The following ABCB11 variants were observed in gnomAD, a reference collection of about 807,000 sequenced individuals.
ABCB11 encodes bile salt export pump.
Under a neutral mutation model 148.0 loss-of-function variants are expected in ABCB11, and 95 were observed. The ratio of observed to expected loss-of-function variants is 0.64; its 90% CI spans 0.54 to 0.76. The LOEUF (loss-of-function observed/expected upper bound fraction) is 0.76, where lower values mean the gene tolerates loss of function less well. ABCB11 is among the 30% of genes least tolerant of loss of function. ABCB11 has a pLI of 0.00. For missense variants in ABCB11, 1,523 were observed against 1,617.8 expected (o/e 0.94, Z 1.01); for synonymous variants, 591 against 555.4 (o/e 1.06, Z -0.90).
intron 11 of ABCB11, among the ~76,000 whole-genome samples, chr2:168,978,074 A>G (rs1693990751): frequency 6.6e-6 from 1 of 150,566 alleles, no homozygotes; most frequent in Non-Finnish European, 1.5e-5. Context: ...TTTTAGAGTC[A>G]TCATCTTATT....
At chr2:168,971,492 C>T (rs907602441) in intron 14 of ABCB11, among the ~76,000 whole-genome samples, 6 of 151,900 alleles carry the variant, frequency 3.9e-5, no homozygotes, top group African/African-American at 1.5e-4. Context: ...AAGTTATTGC[C>T]ACATGACATT....
At chr2:168,920,546 A>AT (rs74268253), downstream of ABCB11, among the ~76,000 whole-genome samples, 1,134 of 147,428 alleles carry the variant, frequency 7.7e-3, 22 homozygotes, top group African/African-American at 0.024. Context: ...CAATCCTTCT[A>AT]TTTTTTTTTT....
chr2:168,996,662 G>A lies in ABCB11; in HGVS notation c.450C>T (p.Val150=), dbSNP rs376327318. Residue 150 remains valine, a synonymous_variant, in exon 6 of 28, where the codon GTC becomes GTT. Coordinates refer to ENST00000650372, the MANE Select transcript of ABCB11 (RefSeq NM_003742.4). ...GAATATATCCTGTGATAAGTACTGC[G>A]ACAGCAATTCCAGCATAGTAACTGG... ...KFASYYAGIA[V]AVLITGYIQI... 8 of 1,566,578 alleles carry A rather than the reference G, an allele frequency of 5.1e-6. No individual in the cohort carries two copies. Among genetic ancestry groups the A allele is most frequent in the African/African-American group, 1.4e-5 (1 of 73,340 alleles).
intron 3 of ABCB11, among the ~76,000 whole-genome samples, chr2:169,016,247 T>C (rs896136083): frequency 5.3e-5 from 8 of 152,216 alleles, no homozygotes; most frequent in African/African-American, 1.7e-4. Flanking sequence ...TTAAAATTTC[T>C]AAAATACCTT....
downstream of ABCB11, among the ~76,000 whole-genome samples, chr2:168,917,182 T>C (rs1411001511): frequency 7.6e-6 from 1 of 132,004 alleles, no homozygotes; most frequent in East Asian, 2.5e-4. Flanking sequence ...AGAGTAACTA[T>C]ATAAAAAAGA....
At chr2:168,936,484 C>A in intron 21 of ABCB11, 51 bp from the exon 22 acceptor site, 1 of 1,559,834 alleles carries the variant, frequency 6.4e-7, no homozygotes, top group South Asian at 1.1e-5. Flanking sequence ...TCGCTTTTAC[C>A]AATTACCATT....
chr2:168,953,838 G>A lies in ABCB11; in HGVS notation c.2343+4126C>T, dbSNP rs116584854. Among the ~76,000 whole-genome samples the A allele has an allele frequency of 1.3e-3, 196 of 151,684 alleles. 1 individual carries two copies. Among genetic ancestry groups the A allele is most frequent in the African/African-American group, 4.6e-3 (189 of 41,476 alleles). On this transcript the variant is annotated intron_variant, in intron 19 of 27. Transcript: ENST00000650372. ...GATGCCTGATTGCCTCCTTTGGAGA[G>A]GCTAATCAGAAGCTCAAAAGAATGT...
At chr2:168,933,151 A>G (rs1691661106) in intron 23 of ABCB11, among the ~76,000 whole-genome samples, 1 of 151,952 alleles carries the variant, frequency 6.6e-6, no homozygotes, top group Non-Finnish European at 1.5e-5. Context: ...AGGGGGAAAA[A>G]GACTTCTGAA....
downstream of ABCB11, among the ~76,000 whole-genome samples, chr2:168,916,334 A>G (rs975214740): frequency 4.6e-5 from 7 of 152,184 alleles, no homozygotes; most frequent in African/African-American, 1.7e-4. Context: ...GAATTACAGG[A>G]AGGAGGAAAT....
chr2:168,932,241 G>A, intron 24 of ABCB11, 136 bp downstream of exon 24: 2 of 703,372 alleles, frequency 2.8e-6, no homozygotes, highest in Non-Finnish European at 4.6e-6. Context: ...TCCCACTTAT[G>A]AGTGAGAACA....
At chr2:168,966,406 T>C (rs1444572895) in intron 17 of ABCB11, among the ~76,000 whole-genome samples, 1 of 151,872 alleles carries the variant, frequency 6.6e-6, no homozygotes, top group African/African-American at 2.4e-5. Flanking sequence ...CTCCAGATCA[T>C]TCGAGCTGTC....
intron 18 of ABCB11, among the ~76,000 whole-genome samples, chr2:168,963,142 T>C (rs1012513368): frequency 2.0e-5 from 3 of 151,806 alleles, no homozygotes; most frequent in African/African-American, 7.2e-5. Context: ...GCATAATGGA[T>C]GTGCTTGTAA....
rs543428047 is a variant in ABCB11 at position 168,921,548 on chromosome 2, T to C, written c.*2074A>G. On this transcript the variant is annotated 3_prime_UTR_variant, in exon 28 of 28. Coordinates refer to ENST00000650372, the MANE Select transcript of ABCB11 (RefSeq NM_003742.4). ...TTTAAATAGATGGAAATATGTTCTC[T>C]TGACCCATTGAACACATTTATTACC... Among the ~76,000 whole-genome samples the C allele has an allele frequency of 1.3e-5, 2 of 152,350 alleles. No homozygotes were observed. The highest frequency in any genetic ancestry group is 4.8e-5 in the African/African-American group (2 of 41,588).
intron 3 of ABCB11, among the ~76,000 whole-genome samples, chr2:169,015,834 G>A (rs1284858684): frequency 6.6e-6 from 1 of 152,036 alleles, no homozygotes; most frequent in Non-Finnish European, 1.5e-5. Flanking sequence ...CAACATTTTT[G>A]CCTATTTTGT....
chr2:168,916,514 T>C (rs550809363), downstream of ABCB11, among the ~76,000 whole-genome samples: 8 of 152,346 alleles, frequency 5.3e-5, no homozygotes, highest in South Asian at 1.7e-3. Context: ...AATGAGCACA[T>C]TATAATGCTG....
At chr2:168,950,614 T>C (rs1692521391) in intron 19 of ABCB11, among the ~76,000 whole-genome samples, 1 of 151,732 alleles carries the variant, frequency 6.6e-6, no homozygotes, top group Middle Eastern at 3.4e-3. Context: ...GTCCTTCACC[T>C]ACCTTTTAAT....
rs191792223 is a variant in ABCB11 at position 168,952,397 on chromosome 2, G to A, written c.2343+5567C>T. On this transcript the variant is annotated intron_variant, in intron 19 of 27. Transcript: ENST00000650372. ...TAGGAAATTTTTTATTACTGACTCAGTCTTGCTACTCATTATTAGTCTGTT... is the reference window on the plus strand; with the variant it reads ...TAGGAAATTTTTTATTACTGACTCAATCTTGCTACTCATTATTAGTCTGTT... 1.9e-3 allele frequency among the ~76,000 whole-genome samples: 284 copies of A among 151,234 alleles called. 1 individual carries two copies. The highest frequency in any genetic ancestry group is 3.0e-3 in the Non-Finnish European group (204 of 67,494).
chr2:168,943,081 A>G (rs1157118075), intron 21 of ABCB11, among the ~76,000 whole-genome samples: 1 of 151,966 alleles, frequency 6.6e-6, no homozygotes, highest in Non-Finnish European at 1.5e-5. Context: ...CCTCTTTTTA[A>G]AAAGATAAGT....
At chr2:168,932,927 G>T (rs1373958831) in intron 23 of ABCB11, among the ~76,000 whole-genome samples, 1 of 152,026 alleles carries the variant, frequency 6.6e-6, no homozygotes, top group Admixed American at 6.6e-5. Flanking sequence ...GGCTAACACG[G>T]TGAAACCCCG....
Sources: allele counts gnomAD v4.1 joint callset (sites outside exome capture counted in the v4.1 genomes callset), GRCh38; gene constraint gnomAD v4.1.1; transcripts MANE v1.5; gene names NCBI Gene and HGNC (gene_info 2026-07-23, HGNC 2026-07-21).